Variants in GAD1 observed in about 807,000 individuals in gnomAD.
GAD1 encodes the protein 67 kDa glutamic acid decarboxylase.
GAD1 carries 35 observed loss-of-function variants against 75.2 expected under a neutral mutation model. That is an observed-to-expected ratio of 0.47 (90% CI 0.36 to 0.62). The LOEUF (loss-of-function observed/expected upper bound fraction) is 0.62, where lower values mean the gene tolerates loss of function less well. Ranked by LOEUF, GAD1 falls within the 20% of genes least tolerant of loss-of-function variation. GAD1 has a pLI of 0.00. For synonymous variants in GAD1, 257 were observed against 271.9 expected, an observed-to-expected ratio of 0.95 and a Z score of 0.54; for missense variants, 490 against 758.5, an observed-to-expected ratio of 0.65 and a Z score of 4.16.
chr2:170,851,035 G>A (rs1178919040), intron 12 of GAD1, among the ~76,000 whole-genome samples: 1 of 150,240 alleles, frequency 6.7e-6, no homozygotes, highest in East Asian at 1.9e-4. Flanking sequence ...AAAAAAAAAA[G>A]AACTGTGGAT....
At chr2:170,855,603 G>A (rs1408071171) in intron 14 of GAD1, among the ~76,000 whole-genome samples, 2 of 151,748 alleles carry the variant, frequency 1.3e-5, no homozygotes, top group East Asian at 1.9e-4. Flanking sequence ...GGCTGGGCAC[G>A]GTGGCTCACG....
In GAD1 at chr2:170,844,407, CT is replaced by C. The variant is rs11327360; in HGVS notation, c.751+269del. Among the ~76,000 whole-genome samples, 24,824 of 124,194 alleles carry C rather than the reference CT, an allele frequency of 0.2. 1,250 individuals carry two copies. Among genetic ancestry groups the C allele is most frequent in the South Asian group, 0.31 (1,156 of 3,676 alleles). The allele number at this position is 124,194 out of a possible 152,430, so 81.5% of individuals were successfully genotyped here. A position where few individuals can be genotyped will look rare whatever the true frequency, so the allele number is the denominator to read the frequency against. On this transcript the variant is annotated intron_variant, in intron 7 of 16. Coordinates refer to ENST00000358196, the MANE Select transcript of GAD1 (RefSeq NM_000817.3). The stretch of plus-strand genomic sequence containing the variant: ...TAAATAACCCCATTTTTTCTTTTTT[CT>C]TTTTTTTTTTTTTTTTTTGAGACAG...
Position 170,818,321 on chromosome 2 carries a change from T to C in GAD1, c.-63-208T>C. On this transcript the variant is annotated intron_variant, in intron 1 of 16. Coordinates refer to ENST00000358196, the MANE Select transcript of GAD1 (RefSeq NM_000817.3). This position sits in a 1 kb window ranked among gnomAD's most constrained non-coding sequence, Gnocchi z 5.9. ...GAGAGCGGCCCAGGGCTACGCTCCC[T>C]GCGCCCCAGTACCGGAGCTAGCGCG... 1 of 380,118 alleles carries C rather than the reference T, an allele frequency of 2.6e-6. No homozygotes were observed. The highest frequency in any genetic ancestry group is 2.2e-5 in the South Asian group (1 of 45,366). The allele number at this position is 380,118 out of a possible 1,614,324, so 23.5% of individuals were successfully genotyped here.
intron 14 of GAD1, among the ~76,000 whole-genome samples, chr2:170,854,459 G>T (rs1429364256): frequency 2.8e-5 from 4 of 145,388 alleles, no homozygotes; most frequent in South Asian, 4.3e-4. Context: ...GGAGTGCAGT[G>T]GCGCGATCTC....
chr2:170,818,563 A>G lies in GAD1; in HGVS notation c.-29A>G, dbSNP rs551237040. 69 of 1,607,058 alleles carry G rather than the reference A, an allele frequency of 4.3e-5. No homozygotes were observed. In the South Asian group the frequency reaches 6.7e-4, roughly 16 times the overall value. ...GCGCCGGACCAGTCGAGGACTCTGG[A>G]CAGTAGAGGCCCCGGGACGACCGAG... On this transcript the variant is annotated 5_prime_UTR_variant, in exon 2 of 17. Transcript: ENST00000358196. The surrounding 1 kb of genome is among the most constrained non-coding windows in gnomAD (Gnocchi z 5.9).
rs750046276 is a variant in GAD1 at position 170,836,812 on chromosome 2, C to T, written c.567C>T (p.Asn189=). The stretch of plus-strand genomic sequence containing the variant: ...ATCTAGGTCATCCTCGATTTTTCAA[C>T]CAGCTCTCCACTGGATTGGATATTA... ...GVRTGHPRFF[N]QLSTGLDIIG... The change falls in exon 6 of 17, where the codon AAC becomes AAT. Residue 189 remains asparagine, a synonymous_variant. Transcript: ENST00000358196. 14 of 1,613,792 alleles carry T rather than the reference C, an allele frequency of 8.7e-6. No individual in the cohort carries two copies. In the South Asian group the frequency reaches 1.4e-4, roughly 16 times the overall value.
intron 3 of GAD1, among the ~76,000 whole-genome samples, chr2:170,825,218 T>C (rs1036307700): frequency 3.3e-5 from 5 of 152,070 alleles, no homozygotes; most frequent in Non-Finnish European, 7.4e-5. Flanking sequence ...AGACCCCATC[T>C]CTACAAAAAC....
chr2:170,821,518 G>A (rs2105755952), intron 2 of GAD1, among the ~76,000 whole-genome samples: 1 of 152,298 alleles, frequency 6.6e-6, no homozygotes, highest in Admixed American at 6.5e-5. Flanking sequence ...GAGCAGCCAT[G>A]CGAGCCCGAT....
intron 6 of GAD1, among the ~76,000 whole-genome samples, chr2:170,840,655 G>C (rs1702492385): frequency 9.9e-6 from 1 of 101,034 alleles, no homozygotes; most frequent in East Asian, 3.5e-4. Flanking sequence ...GAGGGAGGTA[G>C]GGAAGGGAGG....
At chr2:170,848,327 G>A (rs1204796332) in intron 11 of GAD1, among the ~76,000 whole-genome samples, 5 of 151,900 alleles carry the variant, frequency 3.3e-5, no homozygotes, top group African/African-American at 4.8e-5. Flanking sequence ...GTGAAACCCC[G>A]TCTCTACTAA....
At position 170,830,862 on chromosome 2, in the gene GAD1, G is replaced by A. The variant is rs1044003220; in HGVS notation, c.305-88G>A. 5 of 1,541,994 alleles carry A rather than the reference G, an allele frequency of 3.2e-6. No individual in the cohort carries two copies. The Admixed American group carries it at 8.5e-5, about 26-fold the overall frequency. ...CCCAGAATGAAATCAGGCCTATACA[G>A]ATAGCATGGTTAATATTAGGGGTCT... is the stretch of plus-strand genomic sequence containing the variant. On this transcript the variant is annotated intron_variant, in intron 4 of 16. Coordinates refer to ENST00000358196, the MANE Select transcript of GAD1 (RefSeq NM_000817.3).
At chr2:170,852,613 T>C in intron 12 of GAD1, 101 bp from the exon 13 acceptor site, 2 of 947,830 alleles carry the variant, frequency 2.1e-6, no homozygotes, top group Non-Finnish European at 3.4e-6. Flanking sequence ...TAGGCATGGA[T>C]AATATTTACT....
At chr2:170,823,580 C>A (rs1349650248) in intron 3 of GAD1, among the ~76,000 whole-genome samples, 1 of 152,210 alleles carries the variant, frequency 6.6e-6, no homozygotes, top group African/African-American at 2.4e-5. Flanking sequence ...AAGGCCAGGG[C>A]TGCATCCCTG....
upstream of GAD1, chr2:170,813,291 A>C (rs1701643105): frequency 6.6e-6 from 1 of 152,228 alleles, no homozygotes; most frequent in Non-Finnish European, 1.5e-5. Flanking sequence ...CCTTCAAAAA[A>C]GTCCAGAATA....
At chr2:170,826,601 C>T (rs116247843) in intron 3 of GAD1, among the ~76,000 whole-genome samples, 3,175 of 149,056 alleles carry the variant, frequency 0.021, 129 homozygotes, top group Admixed American at 0.1. Context: ...GCATAACGAT[C>T]GTTTCTCAGC....
chr2:170,845,597 A>G lies in GAD1; in HGVS notation c.843A>G (p.Lys281=). 1.2e-6 allele frequency: 2 copies of G among 1,614,082 alleles called. No individual in the cohort carries two copies. Among genetic ancestry groups the G allele is most frequent in the Non-Finnish European group, 8.5e-7 (1 of 1,180,008 alleles). The change falls in exon 8 of 17, where the codon AAA becomes AAG. Residue 281 remains lysine, a synonymous_variant. Transcript: ENST00000358196. ...VKTKGMAAVP[K]LVLFTSEQSH... ...CAAAGGGCATGGCGGCTGTGCCTAA[A>G]CTGGTCCTCTTCACCTCAGAACAGG... is the stretch of plus-strand genomic sequence containing the variant.
In GAD1 at chr2:170,835,674, G is replaced by T. The variant is rs191944108; in HGVS notation, c.548-1119G>T. Among the ~76,000 whole-genome samples the T allele has an allele frequency of 2.2e-4, 33 of 152,284 alleles. 1 individual carries two copies. The East Asian group carries it at 3.5e-3, about 16-fold the overall frequency. On this transcript the variant is annotated intron_variant, in intron 5 of 16. Transcript: ENST00000358196. ...TATGGTTTTGATACATTATCAAATA[G>T]TGTGATTGCATTTATTTACCATTCA...
chr2:170,852,447 C>T (rs1487734900), intron 12 of GAD1: 4 of 483,700 alleles, frequency 8.3e-6, no homozygotes, highest in East Asian at 8.1e-5. Context: ...TGATATAATA[C>T]CTGAAAGCTC....
At chr2:170,836,543 T>C (rs1702380500) in intron 5 of GAD1, among the ~76,000 whole-genome samples, 1 of 152,236 alleles carries the variant, frequency 6.6e-6, no homozygotes, top group Admixed American at 6.5e-5. Flanking sequence ...ATTTGTTTCA[T>C]GATACTGGAT....
Sources: gnomAD v4.1 joint callset for allele counts (sites outside exome capture counted in the v4.1 genomes callset) on GRCh38, gnomAD v4.1.1 for gene constraint, Gnocchi (gnomAD v3.1) non-coding constraint, MANE v1.5 for transcripts, NCBI Gene and HGNC (gene_info 2026-07-23, HGNC 2026-07-21) for gene names.